The following PBRM1 variants were observed in gnomAD, a reference collection of about 807,000 sequenced individuals.
PBRM1 encodes protein polybromo-1.
A neutral mutation model predicts 194.5 loss-of-function variants in PBRM1; 27 were observed. The observed-to-expected ratio is 0.14, with a 90% CI of 0.10 to 0.19. PBRM1 has a LOEUF of 0.19. Ranked by LOEUF, PBRM1 falls within the 10% of genes least tolerant of loss-of-function variation. The probability of loss-of-function intolerance (pLI) is 1.00; values close to 1 mark genes in which losing one functional copy is unlikely to be tolerated. For missense variants in PBRM1, 1,466 were observed against 2,077.2 expected (o/e 0.71, Z 5.72); for synonymous variants, 655 against 693.2 (o/e 0.94, Z 0.87).
chr3:52,578,527 C>T (rs763326029), intron 21 of PBRM1, among the ~76,000 whole-genome samples: 1 of 152,224 alleles, frequency 6.6e-6, no homozygotes, highest in African/African-American at 2.4e-5. Flanking sequence ...CTATACCAGA[C>T]TCTGCTGTGT....
At chr3:52,593,985 A>C (rs967540697) in intron 17 of PBRM1, among the ~76,000 whole-genome samples, 3 of 152,112 alleles carry the variant, frequency 2.0e-5, no homozygotes, top group Admixed American at 6.5e-5. Flanking sequence ...TATCATTGTT[A>C]ATTTTCTGCT....
downstream of PBRM1, chr3:52,546,813 C>A (rs1042994002): frequency 3.4e-5 from 8 of 233,132 alleles, no homozygotes; most frequent in Non-Finnish European, 6.8e-5. Flanking sequence ...AATGGTCTTT[C>A]TAGTAAGCGT....
chr3:52,666,024 G>A (rs969377410), intron 3 of PBRM1, among the ~76,000 whole-genome samples: 1 of 152,040 alleles, frequency 6.6e-6, no homozygotes, highest in Non-Finnish European at 1.5e-5. Context: ...ATCTATAGAT[G>A]TTACAATTTC....
At chr3:52,664,904 A>C (rs1036427688) in intron 3 of PBRM1, among the ~76,000 whole-genome samples, 3 of 152,150 alleles carry the variant, frequency 2.0e-5, no homozygotes, top group African/African-American at 7.2e-5. Flanking sequence ...AAAGATGATG[A>C]GAAACACCAA....
At chr3:52,643,554 T>C (rs755239089) in intron 8 of PBRM1, among the ~76,000 whole-genome samples, 6 of 152,224 alleles carry the variant, frequency 3.9e-5, no homozygotes, top group Non-Finnish European at 5.9e-5. Context: ...TTTTGGTCAC[T>C]GCAGTGACCA....
intron 4 of PBRM1, 52 bp downstream of exon 5, chr3:52,662,081 C>A: frequency 6.3e-7 from 1 of 1,582,260 alleles, no homozygotes. Flanking sequence ...AAGCAGGGGC[C>A]CTCTCTGCCT....
Position 52,554,996 on chromosome 3 carries a change from T to C in PBRM1, c.4454-117A>G. ...ATAAAGCACCCTTAGTACTGCATGATATAACAGCAATTAGTGCAATTATTT... is the reference window on the plus strand; with the variant it reads ...ATAAAGCACCCTTAGTACTGCATGACATAACAGCAATTAGTGCAATTATTT... On this transcript the variant is annotated intron_variant, in intron 26 of 29. Transcript: ENST00000296302. 4 of 707,208 alleles carry C rather than the reference T, an allele frequency of 5.7e-6. No homozygotes were observed. In the South Asian group the frequency reaches 5.8e-5, roughly 10 times the overall value. 43.8% of individuals were successfully genotyped at this position (707,208 alleles called of 1,614,324 possible).
chr3:52,684,599 A>T (rs1444011330), upstream of PBRM1, among the ~76,000 whole-genome samples: 2 of 152,218 alleles, frequency 1.3e-5, no homozygotes, highest in African/African-American at 2.4e-5. Flanking sequence ...ATTTTTTACC[A>T]AAATGTTAAC....
At chr3:52,632,032 C>T (rs545531275) in intron 11 of PBRM1, among the ~76,000 whole-genome samples, 2 of 152,298 alleles carry the variant, frequency 1.3e-5, no homozygotes, top group South Asian at 4.1e-4. Flanking sequence ...GGAATGGTCA[C>T]CTATTCTGCT....
At chr3:52,613,006 A>C (rs1434296930) in intron 15 of PBRM1, among the ~76,000 whole-genome samples, 2 of 152,168 alleles carry the variant, frequency 1.3e-5, no homozygotes, top group African/African-American at 4.8e-5. Context: ...TTTGTGAGAC[A>C]ATCAGAAGAA....
intron 20 of PBRM1, chr3:52,585,504 G>C (rs375961358): frequency 1.8e-4 from 27 of 152,198 alleles, no homozygotes; most frequent in African/African-American, 5.3e-4. Context: ...GAAATATACA[G>C]TCTTTACATT....
intron 3 of PBRM1, among the ~76,000 whole-genome samples, chr3:52,667,088 C>G (rs189504469): frequency 6.6e-6 from 1 of 152,002 alleles, no homozygotes; most frequent in Non-Finnish European, 1.5e-5. Flanking sequence ...AAAATTGATT[C>G]CTACCTTATA....
intron 3 of PBRM1, among the ~76,000 whole-genome samples, chr3:52,664,090 C>T (rs1284251128): frequency 2.0e-5 from 3 of 149,726 alleles, no homozygotes; most frequent in East Asian, 2.0e-4. Flanking sequence ...GGCACGGTGG[C>T]GCACACCTGT....
At chr3:52,665,733 C>G (rs922993592) in intron 3 of PBRM1, among the ~76,000 whole-genome samples, 1 of 152,136 alleles carries the variant, frequency 6.6e-6, no homozygotes, top group African/African-American at 2.4e-5. Context: ...TTCATCCTGA[C>G]CCTGCCCCCT....
At chr3:52,645,614 G>A (rs2096269227) in intron 7 of PBRM1, among the ~76,000 whole-genome samples, 1 of 151,762 alleles carries the variant, frequency 6.6e-6, no homozygotes, top group South Asian at 2.1e-4. Context: ...TGTGTTTTGG[G>A]GCCATTATTA....
chr3:52,682,750 C>G (rs2097226729), upstream of PBRM1, among the ~76,000 whole-genome samples: 1 of 152,154 alleles, frequency 6.6e-6, no homozygotes, highest in African/African-American at 2.4e-5. Context: ...GATGTAACCT[C>G]TCAGATCTGT....
At chr3:52,597,127 G>A (rs573293068) in intron 17 of PBRM1, among the ~76,000 whole-genome samples, 16 of 152,238 alleles carry the variant, frequency 1.1e-4, no homozygotes, top group African/African-American at 2.9e-4. Context: ...TCTAACTCCC[G>A]CAAGCACAAA....
chr3:52,645,335 T>G (rs559657373), intron 7 of PBRM1, among the ~76,000 whole-genome samples: 2 of 151,792 alleles, frequency 1.3e-5, no homozygotes, highest in Non-Finnish European at 2.9e-5. Context: ...TCTTTCTTTT[T>G]TTTTTTTGGT....
intron 7 of PBRM1, among the ~76,000 whole-genome samples, chr3:52,647,177 T>C (rs1335015006): frequency 6.6e-6 from 1 of 151,806 alleles, no homozygotes; most frequent in African/African-American, 2.4e-5. Context: ...GCATCACTAA[T>C]CATTAGGGAG....
Sources: gnomAD v4.1 joint callset for allele counts (sites outside exome capture counted in the v4.1 genomes callset) on GRCh38, gnomAD v4.1.1 for gene constraint, MANE v1.5 for transcripts, NCBI Gene and HGNC (gene_info 2026-07-23, HGNC 2026-07-21) for gene names.